DNAAF5: variants seen among roughly 807,000 people sequenced by gnomAD.
DNAAF5 encodes the protein dynein axonemal assembly factor 5.
In DNAAF5, 64 loss-of-function variants were observed where a neutral mutation model predicts 75.8. The ratio of observed to expected loss-of-function variants is 0.84; its 90% CI spans 0.69 to 1.04. The LOEUF is 1.04. Ranked by LOEUF, DNAAF5 falls within the 50% of genes least tolerant of loss-of-function variation. DNAAF5 has a pLI of 0.00. For missense variants in DNAAF5, 1,269 were observed against 1,178.5 expected, an observed-to-expected ratio of 1.08 and a Z score of -1.12; for synonymous variants, 657 against 557.2, an observed-to-expected ratio of 1.18 and a Z score of -2.52.
intron 2 of DNAAF5, among the ~76,000 whole-genome samples, chr7:737,800 G>T (rs147307545): frequency 1.4e-3 from 209 of 152,314 alleles, no homozygotes; most frequent in African/African-American, 4.9e-3. Context: ...GAGCTGCGTT[G>T]TACGTGATTT....
chr7:770,362 C>T (rs1421039533), intron 8 of DNAAF5, 109 bp from the exon 9 acceptor site: 5 of 950,440 alleles, frequency 5.3e-6, no homozygotes, highest in Admixed American at 5.5e-5. Context: ...AGGTGGTGGC[C>T]GATAGTGCCC....
At chr7:746,685 C>CCCCTGCCCA (rs1397420147) in intron 4 of DNAAF5, among the ~76,000 whole-genome samples, 2 of 151,928 alleles carry the variant, frequency 1.3e-5, no homozygotes, top group East Asian at 1.9e-4. Context: ...ATCCTGCCAC[C>CCCCTGCCCA]CCCTGCCCAC....
At chr7:738,055 C>T (rs1290286130) in intron 2 of DNAAF5, among the ~76,000 whole-genome samples, 3 of 152,142 alleles carry the variant, frequency 2.0e-5, no homozygotes, top group African/African-American at 7.2e-5. Flanking sequence ...CTTAGATTTG[C>T]CCCTTTGAGG....
intron 2 of DNAAF5, among the ~76,000 whole-genome samples, chr7:737,068 T>C (rs1437974780): frequency 6.6e-6 from 1 of 151,916 alleles, no homozygotes; most frequent in Admixed American, 6.5e-5. Flanking sequence ...GTCATTGTAG[T>C]TATTTTTATT....
chr7:765,604 C>T (rs950853458), intron 8 of DNAAF5, among the ~76,000 whole-genome samples: 7 of 152,208 alleles, frequency 4.6e-5, no homozygotes, highest in African/African-American at 1.7e-4. Flanking sequence ...TTGGAACACA[C>T]ATCTCTTTGG....
At chr7:740,020 C>T (rs1197463200) in intron 2 of DNAAF5, among the ~76,000 whole-genome samples, 1 of 152,106 alleles carries the variant, frequency 6.6e-6, no homozygotes, top group African/African-American at 2.4e-5. Context: ...GGACTGATGG[C>T]ACCACGGAGT....
At chr7:736,609 A>G (rs903032896) in intron 2 of DNAAF5, among the ~76,000 whole-genome samples, 1 of 151,876 alleles carries the variant, frequency 6.6e-6, no homozygotes, top group Admixed American at 6.6e-5. Flanking sequence ...AGTGACGTGT[A>G]TTTCTTGTAG....
In DNAAF5 at chr7:781,375, T is replaced by A. The variant is rs527280311; in HGVS notation, c.2431+1231T>A. On this transcript the variant is annotated intron_variant, in intron 12 of 12. Coordinates refer to ENST00000297440, the MANE Select transcript of DNAAF5 (RefSeq NM_017802.4). Reference sequence around the variant, plus strand: ...GGATCTCATTTCTTTTGTGGCCGGATAATATTCCACTGCGTGCGCTCCACG... The same window carrying A: ...GGATCTCATTTCTTTTGTGGCCGGAAAATATTCCACTGCGTGCGCTCCACG... 2.0e-5 allele frequency among the ~76,000 whole-genome samples: 3 copies of A among 152,356 alleles called. No homozygotes were observed. The East Asian group carries it at 5.8e-4, about 29-fold the overall frequency.
At chr7:735,602 C>A (rs986617284) in intron 2 of DNAAF5, among the ~76,000 whole-genome samples, 2 of 152,222 alleles carry the variant, frequency 1.3e-5, no homozygotes, top group Admixed American at 6.5e-5. Context: ...CTCACAGTCT[C>A]TAATGATGCT....
At chr7:745,631 A>T (rs765672616) in intron 4 of DNAAF5, among the ~76,000 whole-genome samples, 1 of 152,184 alleles carries the variant, frequency 6.6e-6, no homozygotes, top group Non-Finnish European at 1.5e-5. Flanking sequence ...ACACGTGTAC[A>T]TGTATATCCT....
intron 4 of DNAAF5, among the ~76,000 whole-genome samples, chr7:752,440 C>T (rs1170908314): frequency 6.0e-3 from 832 of 139,098 alleles, no homozygotes; most frequent in African/African-American, 0.025. Flanking sequence ...ACGAAGCCTT[C>T]GTGACCACGG....
At chr7:745,775 G>A (rs371175328) in intron 4 of DNAAF5, among the ~76,000 whole-genome samples, 1 of 152,182 alleles carries the variant, frequency 6.6e-6, no homozygotes, top group African/African-American at 2.4e-5. Context: ...GCCCTACCCC[G>A]CCAACTGTCT....
At chr7:729,594 G>T in intron 1 of DNAAF5, 69 bp from the exon 2 acceptor site, 1 of 1,487,894 alleles carries the variant, frequency 6.7e-7, no homozygotes, top group Non-Finnish European at 9.1e-7. Flanking sequence ...GCCGTCCTCT[G>T]GAAGCCCACA....
At chr7:738,743 A>G (rs1781811065) in intron 2 of DNAAF5, among the ~76,000 whole-genome samples, 1 of 152,230 alleles carries the variant, frequency 6.6e-6, no homozygotes. Context: ...AAAAGGTGGC[A>G]GTCCGTGAGA....
rs573374202 is a variant in DNAAF5, at chr7:780,111, G to A, written c.2398G>A (p.Asp800Asn). The A allele has an allele frequency of 2.0e-5, 33 of 1,614,012 alleles. No homozygotes were observed. Among genetic ancestry groups the A allele is most frequent in the African/African-American group, 8.0e-5 (6 of 74,930 alleles). Residue 800 changes from aspartate to asparagine, a missense_variant, in exon 12 of 13, where the codon GAT becomes AAT. Transcript: ENST00000297440. Reference protein sequence around the residue: ...LYRELLVHLDDPERAIQDAIL... With the variant: ...LYRELLVHLDNPERAIQDAIL... ...CCGAGAGTTGCTGGTTCACCTTGAC[G>A]ATCCAGAGAGGGCCATCCAGGATGC... is the stretch of plus-strand genomic sequence containing the variant.
intron 2 of DNAAF5, among the ~76,000 whole-genome samples, chr7:732,210 A>G (rs1781607361): frequency 6.6e-6 from 1 of 152,212 alleles, no homozygotes; most frequent in African/African-American, 2.4e-5. Context: ...GAAGTTGTGG[A>G]AAGGGGGTGT....
intron 7 of DNAAF5, among the ~76,000 whole-genome samples, chr7:762,543 G>T (rs762096061): frequency 2.0e-5 from 3 of 151,672 alleles, no homozygotes; most frequent in Non-Finnish European, 4.4e-5. Context: ...AGAAGATACC[G>T]TGATTTCCCG....
At chr7:775,580 A>G (rs1778734898) in intron 11 of DNAAF5, among the ~76,000 whole-genome samples, 1 of 152,162 alleles carries the variant, frequency 6.6e-6, no homozygotes, top group Admixed American at 6.5e-5. Context: ...ATACATACAA[A>G]TACAAATTTG....
chr7:761,231 C>T (rs967744498), intron 6 of DNAAF5, among the ~76,000 whole-genome samples: 1 of 138,732 alleles, frequency 7.2e-6, no homozygotes, highest in African/African-American at 2.6e-5. Context: ...GTTGACATGC[C>T]GGCACCCTAC....
Sources: gnomAD v4.1 joint callset for allele counts (sites outside exome capture counted in the v4.1 genomes callset) on GRCh38, gnomAD v4.1.1 for gene constraint, MANE v1.5 for transcripts, NCBI Gene and HGNC (gene_info 2026-07-23, HGNC 2026-07-21) for gene names.